The following CDC20 variants were observed in gnomAD, a reference collection of about 807,000 sequenced individuals.
The protein encoded by CDC20 is cell division cycle 20, also known as cell division cycle protein 20 homolog.
In CDC20, 34 loss-of-function variants were observed where a neutral mutation model predicts 60.0. The ratio of observed to expected loss-of-function variants is 0.57; its 90% CI spans 0.43 to 0.75. The LOEUF (loss-of-function observed/expected upper bound fraction) is 0.75. Among genes scored for constraint, CDC20 ranks in the 30% least tolerant of loss-of-function variants. CDC20 has a pLI of 0.00. For missense variants in CDC20, 469 were observed against 647.3 expected, an observed-to-expected ratio of 0.72 and a Z score of 2.99; for synonymous variants, 198 against 243.5, an observed-to-expected ratio of 0.81 and a Z score of 1.74.
In CDC20 at chr1:43,361,257, C is replaced by A; in HGVS notation, c.1203+12C>A. 6.4e-7 allele frequency: 1 copy of A among 1,572,780 alleles called. No individual in the cohort carries two copies. Among genetic ancestry groups the A allele is most frequent in the Non-Finnish European group, 8.6e-7 (1 of 1,158,732 alleles). ...ATGCCCATTCCCAGGTAATCTTTTG[C>A]CTGTTCCTGCCTCTCCCACATGCAT... On this transcript the variant is annotated intron_variant, in intron 9 of 10. Transcript: ENST00000310955.
chr1:43,359,329 G>A lies in CDC20; in HGVS notation c.114G>A (p.Pro38=). 6.2e-7 allele frequency: 1 copy of A among 1,612,966 alleles called. No homozygotes were observed. Among genetic ancestry groups the A allele is most frequent in the Non-Finnish European group, 8.5e-7 (1 of 1,179,884 alleles). Reference sequence around the variant, plus strand: ...GCAAAGCCAAGGAAGCCGCAGGCCCGGCCCCCTCACCCATGCGGGCCGCCA... The same window carrying A: ...GCAAAGCCAAGGAAGCCGCAGGCCCAGCCCCCTCACCCATGCGGGCCGCCA... ...WQRKAKEAAG[P]APSPMRAANR... Residue 38 remains proline, a synonymous_variant, in exon 2 of 11, where the codon CCG becomes CCA. Coordinates refer to ENST00000310955, the MANE Select transcript of CDC20 (RefSeq NM_001255.3).
chr1:43,363,049 G>C lies in CDC20; in HGVS notation c.1420G>C (p.Glu474Gln). ...DETLRLWRCF[E>Q]LDPARRRERE... ...GACCCTGAGGCTATGGCGCTGTTTTGAGTTGGACCCTGCGCGGCGGCGGGA... is the reference window on the plus strand; with the variant it reads ...GACCCTGAGGCTATGGCGCTGTTTTCAGTTGGACCCTGCGCGGCGGCGGGA... The change falls in exon 11 of 11, where the codon GAG becomes CAG. Residue 474 changes from glutamate (E) to glutamine (Q), a missense_variant. Transcript: ENST00000310955. The C allele has an allele frequency of 6.2e-7, 1 of 1,613,770 alleles. No individual in the cohort carries two copies. Among genetic ancestry groups the C allele is most frequent in the Non-Finnish European group, 8.5e-7 (1 of 1,179,904 alleles).
chr1:43,362,879 T>C, intron 10 of CDC20, 72 bp from the exon 11 acceptor site: 2 of 1,140,474 alleles, frequency 1.8e-6, no homozygotes. Context: ...AAAAGGTAGG[T>C]GGGTGGCCCA....
At position 43,361,146 on chromosome 1, in the gene CDC20, C is replaced by T. The variant is rs769715038; in HGVS notation, c.1104C>T (p.Ser368=). ...CCGTAGCATGGTGTCCCTGGCAGTC[C>T]AATGTCCTGGCAACAGGAGGGGGCA... ...VKAVAWCPWQ[S]NVLATGGGTS... The change falls in exon 9 of 11, where the codon TCC becomes TCT. Residue 368 remains serine, a synonymous_variant. Transcript: ENST00000310955. 1 of 1,614,072 alleles carries T rather than the reference C, an allele frequency of 6.2e-7. No homozygotes were observed. The highest frequency in any genetic ancestry group is 8.5e-7 in the Non-Finnish European group (1 of 1,179,988).
Position 43,360,409 on chromosome 1 carries a change from G to C in CDC20, c.753+20G>C. 1 of 1,613,026 alleles carries C rather than the reference G, an allele frequency of 6.2e-7. No homozygotes were observed. Among genetic ancestry groups the C allele is most frequent in the Non-Finnish European group, 8.5e-7 (1 of 1,178,954 alleles). On this transcript the variant is annotated intron_variant, in intron 6 of 10. Coordinates refer to ENST00000310955, the MANE Select transcript of CDC20 (RefSeq NM_001255.3). ...GTGCAGGTGAGACGTGTCCAGTGCT[G>C]TCATTCTCACCAGTCCCAATGGGCT...
chr1:43,359,838 C>T lies in CDC20; in HGVS notation c.427+17C>T. 6.2e-7 allele frequency: 1 copy of T among 1,613,328 alleles called. No homozygotes were observed. The highest frequency in any genetic ancestry group is 1.1e-5 in the South Asian group (1 of 91,062). ...CGCCAGAGGGTAAGACCCGAAGTTC[C>T]TGGTTCCTGGAGGGAGGTGTCAGTT... On this transcript the variant is annotated intron_variant, in intron 4 of 10. Coordinates refer to ENST00000310955, the MANE Select transcript of CDC20 (RefSeq NM_001255.3).
chr1:43,362,168 C>G, intron 9 of CDC20, 27 bp from the exon 10 acceptor site: 3 of 1,407,410 alleles, frequency 2.1e-6, no homozygotes, highest in Non-Finnish European at 3.0e-6. Flanking sequence ...GGCTATATGT[C>G]ATGCCCACAC....
At chr1:43,362,406 TG>T in intron 10 of CDC20, 94 bp downstream of exon 10, 1 of 654,478 alleles carries the variant, frequency 1.5e-6, no homozygotes, top group South Asian at 1.7e-5. Context: ...AACACATTAA[TG>T]GTTGCCAGGG....
At position 43,360,571 on chromosome 1, in the gene CDC20, T is replaced by G. The variant is rs1187709094; in HGVS notation, c.826T>G (p.Trp276Gly). The G allele has an allele frequency of 6.2e-7, 1 of 1,613,916 alleles. No homozygotes were observed. The highest frequency in any genetic ancestry group is 2.2e-5 in the East Asian group (1 of 44,894). The change falls in exon 7 of 11, where the codon TGG becomes GGG. Residue 276 changes from tryptophan to glycine, a missense_variant. By Grantham distance (184) the Trp-to-Gly change is radical. Coordinates refer to ENST00000310955, the MANE Select transcript of CDC20 (RefSeq NM_001255.3). ...CTCTGCCCGAGTGGGCTCCCTAAGC[T>G]GGAACAGCTATATCCTGTCCAGGTC... ...SHSARVGSLS[W>G]NSYILSSGSR...
intron 9 of CDC20, among the ~76,000 whole-genome samples, chr1:43,361,569 G>A (rs1647172826): frequency 6.6e-6 from 1 of 152,172 alleles, no homozygotes; most frequent in Non-Finnish European, 1.5e-5. Context: ...CTCCTCACCA[G>A]GATCTATCAG....
chr1:43,362,863 AAAAC>A, intron 10 of CDC20, 84 bp from the exon 11 acceptor site: 2 of 1,037,414 alleles, frequency 1.9e-6, no homozygotes, highest in Non-Finnish European at 2.8e-6. Flanking sequence ...AGTCTCAAAA[AAAAC>A]AAAAAGGTAG....
chr1:43,360,098 G>T lies in CDC20; in HGVS notation c.556+1G>T, dbSNP rs752709238. ...GCGCCTGAAATCCGAAATGACTATT[G>T]TAAGTGCATCCTTATCCTCGCCTCA... On this transcript the variant is annotated splice_donor_variant, in intron 5 of 10. Coordinates refer to ENST00000310955, the MANE Select transcript of CDC20 (RefSeq NM_001255.3). LOFTEE classifies it high-confidence loss of function. 1.9e-5 allele frequency: 31 copies of T among 1,614,098 alleles called. No homozygotes were observed. In the Middle Eastern group the frequency reaches 4.9e-4, roughly 26 times the overall value.
chr1:43,360,340 T>C lies in CDC20; in HGVS notation c.704T>C (p.Ile235Thr), dbSNP rs760792702. 4 of 1,614,186 alleles carry C rather than the reference T, an allele frequency of 2.5e-6. No individual in the cohort carries two copies. Among genetic ancestry groups the C allele is most frequent in the Non-Finnish European group, 3.4e-6 (4 of 1,180,030 alleles). The change falls in exon 6 of 11, where the codon ATC becomes ACC. Residue 235 changes from isoleucine to threonine, a missense_variant. Ile to Thr is a moderately conservative substitution (Grantham distance 89, BLOSUM62 -1). Coordinates refer to ENST00000310955, the MANE Select transcript of CDC20 (RefSeq NM_001255.3). ...PGEYISSVAWIKEGNYLAVGT... is the reference protein window; with the variant it reads ...PGEYISSVAWTKEGNYLAVGT... Reference sequence around the variant, plus strand: ...GAATATATATCCTCTGTGGCCTGGATCAAAGAGGGCAACTACTTGGCTGTG... The same window carrying C: ...GAATATATATCCTCTGTGGCCTGGACCAAAGAGGGCAACTACTTGGCTGTG...
chr1:43,361,847 T>C (rs1417944939), intron 9 of CDC20, among the ~76,000 whole-genome samples: 2 of 152,216 alleles, frequency 1.3e-5, no homozygotes, highest in Admixed American at 6.5e-5. Flanking sequence ...ACTGTAGATA[T>C]GGACTCTAGA....
intron 10 of CDC20, 105 bp downstream of exon 10, chr1:43,362,417 G>A (rs1299635162): frequency 3.0e-5 from 19 of 633,622 alleles, no homozygotes. Flanking sequence ...GGTTGCCAGG[G>A]GCTGAGAGAG....
intron 8 of CDC20, 58 bp downstream of exon 8, chr1:43,361,019 A>G (rs1205988930): frequency 1.6e-5 from 25 of 1,592,604 alleles, no homozygotes; most frequent in Non-Finnish European, 2.1e-5. Context: ...GGGGACTGTT[A>G]AGGGGAGAAG....
intron 4 of CDC20, 34 bp downstream of exon 4, chr1:43,359,855 G>A (rs780005726): frequency 5.0e-6 from 8 of 1,607,634 alleles, no homozygotes; most frequent in African/African-American, 2.7e-5. Flanking sequence ...CTGGAGGGAG[G>A]TGTCAGTTCA....
Position 43,362,962 on chromosome 1 carries a change from C to A in CDC20, c.1333C>A (p.Arg445=), listed in dbSNP as rs1647179706. 1.3e-6 allele frequency: 2 copies of A among 1,594,838 alleles called. No individual in the cohort carries two copies. The highest frequency in any genetic ancestry group is 2.3e-5 in the South Asian group (2 of 87,660). ...CTCATTTGCTCCAGGTCACACATCC[C>A]GGGTCCTGAGTCTGACCATGAGCCC... ...KVAELKGHTS[R]VLSLTMSPDG... The change falls in exon 11 of 11, where the codon CGG becomes AGG. Residue 445 remains arginine (R), a synonymous_variant. Coordinates refer to ENST00000310955, the MANE Select transcript of CDC20 (RefSeq NM_001255.3).
At chr1:43,362,918 A>AGCATTC (rs1647179339) in intron 10 of CDC20, 33 bp from the exon 11 acceptor site, 1 of 1,506,908 alleles carries the variant, frequency 6.6e-7, no homozygotes, top group Non-Finnish European at 8.9e-7. Context: ...TGGCTGCATC[A>AGCATTC]GCATTCGTAT....
Sources: allele counts gnomAD v4.1 joint callset (sites outside exome capture counted in the v4.1 genomes callset), GRCh38; gene constraint gnomAD v4.1.1; transcripts MANE v1.5; gene names NCBI Gene and HGNC (gene_info 2026-07-23, HGNC 2026-07-21).